HYPK: variants seen among roughly 807,000 people sequenced by gnomAD.
HYPK encodes huntingtin-interacting protein K.
Under a neutral mutation model 13.9 loss-of-function variants are expected in HYPK, and 9 were observed. The ratio of observed to expected loss-of-function variants is 0.65; its 90% CI spans 0.39 to 1.13. The LOEUF (loss-of-function observed/expected upper bound fraction) is 1.13, where lower values mean the gene tolerates loss of function less well. HYPK is among the 50% of genes most tolerant of loss of function. The pLI, the probability that HYPK is intolerant of heterozygous loss-of-function variation, is 0.01. For missense variants in HYPK, 138 were observed against 157.6 expected (o/e 0.88, Z 0.67); for synonymous variants, 76 against 57.0 (o/e 1.33, Z -1.50).
rs2087322497 is a variant in HYPK, at chr15:43,801,899, G to A, written c.*93G>A. ...GTTTTATCATCTTGGGTCAAGTAGA[G>A]TGTATACTATATCCTATGTTGTGGA... On this transcript the variant is annotated 3_prime_UTR_variant, in exon 4 of 4. Transcript: ENST00000442995. The A allele has an allele frequency of 4.2e-6, 4 of 945,784 alleles. No homozygotes were observed. The highest frequency in any genetic ancestry group is 4.9e-5 in the East Asian group (2 of 41,012). The allele number at this position is 945,784 out of a possible 1,614,324, so 58.6% of individuals were successfully genotyped here.
rs8032886 is a variant in HYPK, at chr15:43,802,533, G to A, written c.*727G>A. ...GCTGAGATCACACTACTGTACTACTGTACTCCAGCCTGGGGGAAAGAGTGA... is the reference window on the plus strand; with the variant it reads ...GCTGAGATCACACTACTGTACTACTATACTCCAGCCTGGGGGAAAGAGTGA... On this transcript the variant is annotated 3_prime_UTR_variant, in exon 4 of 4. Coordinates refer to ENST00000442995, the MANE Select transcript of HYPK (RefSeq NM_016400.4). 832 of 131,488 alleles carry A rather than the reference G, an allele frequency of 6.3e-3. 13 individuals are homozygous for A. The highest frequency in any genetic ancestry group is 0.024 in the African/African-American group (812 of 34,498). 8.1% of individuals were successfully genotyped at this position (131,488 alleles called of 1,614,324 possible).
In HYPK at chr15:43,804,044, G is replaced by C. The variant is rs1264814437; in HGVS notation, c.*2238G>C. On this transcript the variant is annotated 3_prime_UTR_variant, in exon 4 of 4. Coordinates refer to ENST00000442995, the MANE Select transcript of HYPK (RefSeq NM_016400.4). ...CAGGCGCCTGTAGTCCCAGCTACTC[G>C]GGAGGCTGAGGCACTCTAGCCTGGG... Among the ~76,000 whole-genome samples the C allele has an allele frequency of 6.6e-6, 1 of 151,880 alleles. No individual in the cohort carries two copies. The highest frequency in any genetic ancestry group is 2.4e-5 in the African/African-American group (1 of 41,360).
chr15:43,800,561 C>T (rs751084607), upstream of HYPK: 2 of 1,608,722 alleles, frequency 1.2e-6, no homozygotes, highest in South Asian at 1.1e-5. Context: ...CGGGCGGAAG[C>T]TGTGTCAGTT....
At chr15:43,800,501 G>C (rs756811240), upstream of HYPK, 6 of 1,321,114 alleles carry the variant, frequency 4.5e-6, no homozygotes, top group Non-Finnish European at 5.4e-6. Flanking sequence ...GAAGCTTCTA[G>C]AACTGGAGCA....
At chr15:43,801,596 T>C (rs369712513) in intron 3 of HYPK, 27 bp downstream of exon 3, 1 of 1,611,046 alleles carries the variant, frequency 6.2e-7, no homozygotes, top group East Asian at 2.2e-5. Flanking sequence ...AACTAGTGTA[T>C]GCGGAGGGGA....
intron 3 of HYPK, 61 bp downstream of exon 3, chr15:43,801,630 G>A: frequency 1.9e-6 from 3 of 1,608,328 alleles, no homozygotes; most frequent in South Asian, 1.1e-5. Context: ...AATTTGGGTT[G>A]TTTCCTGAAA....
In HYPK at chr15:43,801,370, C is replaced by G; in HGVS notation, c.219-148C>G. 5.8e-6 allele frequency: 5 copies of G among 856,268 alleles called. No homozygotes were observed. In the South Asian group the frequency reaches 8.3e-5, roughly 14 times the overall value. 53.0% of individuals were successfully genotyped at this position (856,268 alleles called of 1,614,324 possible). On this transcript the variant is annotated intron_variant, in intron 2 of 3. Transcript: ENST00000442995. ...CCTGGCAACACCTGCTGCCAAGACT[C>G]CAGGGGAAAGGAGTATTAGTGGGAG...
rs1160307141 is a variant in HYPK at position 43,804,391 on chromosome 15, G to GT, written c.*2586dup. On this transcript the variant is annotated 3_prime_UTR_variant, in exon 4 of 4. Coordinates refer to ENST00000442995, the MANE Select transcript of HYPK (RefSeq NM_016400.4). ...GACCTTGGTCTTCTCAAAAACATCT[G>GT]TATTTGGTCATGGAATAAATCCAGA... 6.6e-6 allele frequency: 1 copy of GT among 152,156 alleles called. No individual in the cohort carries two copies. The highest frequency in any genetic ancestry group is 2.4e-5 in the African/African-American group (1 of 41,436). 9.4% of individuals were successfully genotyped at this position (152,156 alleles called of 1,614,324 possible). A position where few individuals can be genotyped will look rare whatever the true frequency, so the allele number is the denominator to read the frequency against.
Position 43,801,895 on chromosome 15 carries a change from T to C in HYPK, c.*89T>C. On this transcript the variant is annotated 3_prime_UTR_variant, in exon 4 of 4. Transcript: ENST00000442995. Reference sequence around the variant, plus strand: ...TTCAGTTTTATCATCTTGGGTCAAGTAGAGTGTATACTATATCCTATGTTG... The same window carrying C: ...TTCAGTTTTATCATCTTGGGTCAAGCAGAGTGTATACTATATCCTATGTTG... 2 of 983,086 alleles carry C rather than the reference T, an allele frequency of 2.0e-6. No individual in the cohort carries two copies. Among genetic ancestry groups the C allele is most frequent in the Non-Finnish European group, 3.2e-6 (2 of 622,216 alleles). 60.9% of individuals were successfully genotyped at this position (983,086 alleles called of 1,614,324 possible).
At position 43,802,535 on chromosome 15, in the gene HYPK, A is replaced by G. The variant is rs2141701042; in HGVS notation, c.*729A>G. The G allele has an allele frequency of 7.3e-6, 1 of 136,836 alleles. No individual in the cohort carries two copies. The highest frequency in any genetic ancestry group is 2.2e-4 in the East Asian group (1 of 4,556). The allele number at this position is 136,836 out of a possible 1,614,324, so 8.5% of individuals were successfully genotyped here. A position where few individuals can be genotyped will look rare whatever the true frequency, so the allele number is the denominator to read the frequency against. On this transcript the variant is annotated 3_prime_UTR_variant, in exon 4 of 4. Coordinates refer to ENST00000442995, the MANE Select transcript of HYPK (RefSeq NM_016400.4). ...TGAGATCACACTACTGTACTACTGT[A>G]CTCCAGCCTGGGGGAAAGAGTGAAA...
rs192885189 is a variant in HYPK at position 43,803,925 on chromosome 15, C to T, written c.*2119C>T. Among the ~76,000 whole-genome samples, 3 of 152,030 alleles carry T rather than the reference C, an allele frequency of 2.0e-5. No individual in the cohort carries two copies. Among genetic ancestry groups the T allele is most frequent in the Admixed American group, 6.6e-5 (1 of 15,250 alleles). ...ATCTCAGCACTTTGGGAGGCTGAGG[C>T]GGGCGGATCGCGAAGTGAAGATCAA... On this transcript the variant is annotated 3_prime_UTR_variant, in exon 4 of 4. Coordinates refer to ENST00000442995, the MANE Select transcript of HYPK (RefSeq NM_016400.4).
chr15:43,802,128 A>G lies in HYPK; in HGVS notation c.*322A>G, dbSNP rs2087324810. On this transcript the variant is annotated 3_prime_UTR_variant, in exon 4 of 4. Transcript: ENST00000442995. The stretch of plus-strand genomic sequence containing the variant: ...TGTACTCAAATGGCATGTGTCTCCA[A>G]GACAGCTTATGAATATCTAAAAGGC... 3.3e-6 allele frequency: 1 copy of G among 307,682 alleles called. No individual in the cohort carries two copies. Among genetic ancestry groups the G allele is most frequent in the Non-Finnish European group, 6.2e-6 (1 of 162,424 alleles). The allele number at this position is 307,682 out of a possible 1,614,324, so 19.1% of individuals were successfully genotyped here.
In HYPK at chr15:43,803,997, A is replaced by G. The variant is rs1353642629; in HGVS notation, c.*2191A>G. Among the ~76,000 whole-genome samples, 1 of 151,504 alleles carries G rather than the reference A, an allele frequency of 6.6e-6. No homozygotes were observed. The highest frequency in any genetic ancestry group is 1.5e-5 in the Non-Finnish European group (1 of 67,860). On this transcript the variant is annotated 3_prime_UTR_variant, in exon 4 of 4. Coordinates refer to ENST00000442995, the MANE Select transcript of HYPK (RefSeq NM_016400.4). ...GAAACCCCGTCTCTACTAAAAATAC[A>G]AAAATTAGCCAGGCATGGTGGCAGG... is the stretch of plus-strand genomic sequence containing the variant.
In HYPK at chr15:43,801,697, AT is replaced by A; in HGVS notation, c.271-7del. On this transcript the variant is annotated splice_polypyrimidine_tract_variant and intron_variant, in intron 3 of 3. Transcript: ENST00000442995. The stretch of plus-strand genomic sequence containing the variant: ...AATGCCTGGGAACCTATGTAACATG[AT>A]TTTTTTCTGCAGATGACTGAGATGG... The A allele has an allele frequency of 1.9e-6, 3 of 1,613,886 alleles. No individual in the cohort carries two copies. Among genetic ancestry groups the A allele is most frequent in the Non-Finnish European group, 2.5e-6 (3 of 1,179,848 alleles).
upstream of HYPK, chr15:43,800,596 C>G (rs754881698): frequency 1.2e-6 from 2 of 1,613,502 alleles, no homozygotes; most frequent in South Asian, 1.1e-5. Context: ...TGAGGTGGGG[C>G]TTATGCGGCG....
chr15:43,801,025 A>G (rs1567173696), intron 1 of HYPK, 107 bp from the exon 2 acceptor site: 2 of 1,025,824 alleles, frequency 1.9e-6, no homozygotes, highest in African/African-American at 3.2e-5. Flanking sequence ...GCTACCTGGT[A>G]ACACTTGTCA....
intron 1 of HYPK, 84 bp downstream of exon 1, chr15:43,800,868 C>G: frequency 3.8e-6 from 5 of 1,331,006 alleles, no homozygotes; most frequent in Non-Finnish European, 5.1e-6. Flanking sequence ...CGCTCCAAGA[C>G]GGGGTTCTGA....
Position 43,801,833 on chromosome 15 carries a change from G to A in HYPK, c.*27G>A, listed in dbSNP as rs2087321464. ...GCGTGCTTTCTCAAATATACCTACT[G>A]GATTAATTTATGGCAATAAAATTTT... On this transcript the variant is annotated 3_prime_UTR_variant, in exon 4 of 4. Transcript: ENST00000442995. 1.3e-6 allele frequency: 2 copies of A among 1,598,666 alleles called. No individual in the cohort carries two copies. The highest frequency in any genetic ancestry group is 1.7e-6 in the Non-Finnish European group (2 of 1,167,270).
chr15:43,800,591 T>G, upstream of HYPK: 2 of 1,612,868 alleles, frequency 1.2e-6, no homozygotes, highest in East Asian at 2.2e-5. Context: ...CGGCGTGAGG[T>G]GGGGCTTATG....
Sources: allele counts gnomAD v4.1 joint callset (sites outside exome capture counted in the v4.1 genomes callset), GRCh38; gene constraint gnomAD v4.1.1; transcripts MANE v1.5; gene names NCBI Gene and HGNC (gene_info 2026-07-23, HGNC 2026-07-21).